The following KCNJ3 variants were observed in gnomAD, a reference collection of about 807,000 sequenced individuals.
KCNJ3 encodes potassium inwardly rectifying channel subfamily J member 3.
KCNJ3 carries 4 observed loss-of-function variants against 39.2 expected under a neutral mutation model. The ratio of observed to expected loss-of-function variants is 0.10; its 90% CI spans 0.05 to 0.23. The LOEUF (loss-of-function observed/expected upper bound fraction) is 0.23, where lower values mean the gene tolerates loss of function less well. Among genes scored for constraint, KCNJ3 ranks in the 10% least tolerant of loss-of-function variants. The pLI is 1.00. For synonymous variants in KCNJ3, 230 were observed against 237.4 expected (o/e 0.97, Z 0.29); for missense variants, 276 against 634.9 (o/e 0.43, Z 6.08).
intron 2 of KCNJ3, among the ~76,000 whole-genome samples, chr2:154,728,890 CAATATT>C (rs1453892335): frequency 6.6e-6 from 1 of 151,864 alleles, no homozygotes; most frequent in African/African-American, 2.4e-5. Context: ...ATTAAATTAA[CAATATT>C]AAGATATTAA....
At chr2:154,779,375 C>T (rs897410244) in intron 2 of KCNJ3, among the ~76,000 whole-genome samples, 2 of 149,978 alleles carry the variant, frequency 1.3e-5, no homozygotes, top group African/African-American at 4.9e-5. Context: ...CTCCTAGCAT[C>T]CTAAAGGACT....
intron 2 of KCNJ3, among the ~76,000 whole-genome samples, chr2:154,755,218 A>G (rs1239907302): frequency 6.6e-6 from 1 of 152,042 alleles, no homozygotes. Flanking sequence ...TATGTCTGGC[A>G]TATTTGCCAT....
intron 2 of KCNJ3, among the ~76,000 whole-genome samples, chr2:154,821,635 A>ATGTTTTT (rs1687181858): frequency 1.1e-5 from 1 of 88,072 alleles, no homozygotes; most frequent in Admixed American, 1.7e-4. Context: ...AGAATATGTG[A>ATGTTTTT]TTTTTTTTTT....
At chr2:154,739,111 G>C (rs1189068344) in intron 2 of KCNJ3, among the ~76,000 whole-genome samples, 2 of 152,026 alleles carry the variant, frequency 1.3e-5, no homozygotes, top group African/African-American at 2.4e-5. Context: ...TGTGGGGGTG[G>C]GTAGATCCTC....
At chr2:154,739,958 A>G (rs1336607396) in intron 2 of KCNJ3, among the ~76,000 whole-genome samples, 1 of 152,096 alleles carries the variant, frequency 6.6e-6, no homozygotes, top group African/African-American at 2.4e-5. Flanking sequence ...CTCTGTAAAT[A>G]GAAACGAGAA....
intron 2 of KCNJ3, among the ~76,000 whole-genome samples, chr2:154,715,609 A>G (rs1452112905): frequency 6.6e-6 from 1 of 152,256 alleles, no homozygotes; most frequent in African/African-American, 2.4e-5. Context: ...TATGCAAAAT[A>G]TAAAACTTTA....
intron 2 of KCNJ3, among the ~76,000 whole-genome samples, chr2:154,712,731 C>T (rs973915616): frequency 3.9e-5 from 6 of 151,958 alleles, no homozygotes; most frequent in African/African-American, 1.2e-4. Flanking sequence ...CTCAGGAGGC[C>T]GAAGTGGAAG....
chr2:154,772,766 T>C lies in KCNJ3; in HGVS notation c.919+62947T>C, dbSNP rs189324869. On this transcript the variant is annotated intron_variant, in intron 2 of 2. Coordinates refer to ENST00000295101, the MANE Select transcript of KCNJ3 (RefSeq NM_002239.4). ...CTTAGACTTCTGTTTTCAGAGACCA[T>C]TTCTTGTAAACCTAATTAGAGATGG... is the stretch of plus-strand genomic sequence containing the variant. 8.5e-5 allele frequency among the ~76,000 whole-genome samples: 13 copies of C among 152,126 alleles called. No individual in the cohort carries two copies. In the South Asian group the frequency reaches 2.7e-3, roughly 31 times the overall value.
At chr2:154,836,299 A>T (rs2105124940) in intron 2 of KCNJ3, among the ~76,000 whole-genome samples, 1 of 152,040 alleles carries the variant, frequency 6.6e-6, no homozygotes, top group Admixed American at 6.6e-5. Context: ...ACATTTTAGC[A>T]TTAAACTTAC....
At chr2:154,841,985 T>C (rs1018676150) in intron 2 of KCNJ3, among the ~76,000 whole-genome samples, 9 of 152,198 alleles carry the variant, frequency 5.9e-5, no homozygotes, top group African/African-American at 2.2e-4. Context: ...TCTGCTAGCT[T>C]TTGAATGTGT....
At chr2:154,838,892 T>A (rs552025783) in intron 2 of KCNJ3, among the ~76,000 whole-genome samples, 1 of 151,136 alleles carries the variant, frequency 6.6e-6, no homozygotes, top group African/African-American at 2.4e-5. Context: ...CCAAAATAAT[T>A]AAATTCCAGC....
intron 2 of KCNJ3, among the ~76,000 whole-genome samples, chr2:154,778,785 T>G (rs1686382558): frequency 1.3e-5 from 2 of 152,162 alleles, no homozygotes; most frequent in South Asian, 4.1e-4. Context: ...TTCTATTCCT[T>G]TCCTGTGGTT....
In KCNJ3 at chr2:154,855,051, A is replaced by C. The variant is rs1687814064; in HGVS notation, c.1244A>C (p.Lys415Thr). ...KITGREDFPK[K>T]LLRMSSTTSE... ...ACTGGAAGAGAAGACTTTCCCAAAA[A>C]ACTCTTGAGGATGAGTTCTACAACT... Residue 415 changes from lysine to threonine, a missense_variant, in exon 3 of 3, where the codon AAA (lysine) becomes ACA (threonine). Around this residue, in one of 4 missense-constraint regions of KCNJ3, gnomAD observed 126 missense variants for 179.8 expected, o/e 0.70. Coordinates refer to ENST00000295101, the MANE Select transcript of KCNJ3 (RefSeq NM_002239.4). The C allele has an allele frequency of 1.2e-6, 2 of 1,614,144 alleles. No individual in the cohort carries two copies. Among genetic ancestry groups the C allele is most frequent in the Non-Finnish European group, 8.5e-7 (1 of 1,179,978 alleles).
intron 2 of KCNJ3, among the ~76,000 whole-genome samples, chr2:154,732,101 C>T (rs890371217): frequency 2.0e-5 from 3 of 151,918 alleles, no homozygotes; most frequent in Non-Finnish European, 2.9e-5. Context: ...CTTTGACCTG[C>T]GTGATATAAG....
Position 154,761,814 on chromosome 2 carries a change from A to C in KCNJ3, c.919+51995A>C, listed in dbSNP as rs2961957. Among the ~76,000 whole-genome samples the C allele has an allele frequency of 3.9e-5, 6 of 152,064 alleles. No homozygotes were observed. The East Asian group carries it at 1.2e-3, about 29-fold the overall frequency. On this transcript the variant is annotated intron_variant, in intron 2 of 2. Coordinates refer to ENST00000295101, the MANE Select transcript of KCNJ3 (RefSeq NM_002239.4). ...TGCTTTTTAAAATTTACCTTTTGTA[A>C]TAAGCAGAAAAATGACTCCTTAAAG...
chr2:154,776,843 G>A (rs1350948339), intron 2 of KCNJ3, among the ~76,000 whole-genome samples: 4 of 151,366 alleles, frequency 2.6e-5, no homozygotes, highest in African/African-American at 7.3e-5. Context: ...ACATTTCTTC[G>A]CAATCCATTG....
intron 2 of KCNJ3, among the ~76,000 whole-genome samples, chr2:154,740,537 C>T (rs1685635257): frequency 1.3e-5 from 2 of 151,936 alleles, no homozygotes; most frequent in African/African-American, 4.8e-5. Context: ...CTAGATGAGA[C>T]TTTCCAGTTT....
chr2:154,704,274 G>A (rs181974772), intron 1 of KCNJ3, among the ~76,000 whole-genome samples: 71 of 152,172 alleles, frequency 4.7e-4, no homozygotes, highest in Middle Eastern at 6.8e-3. Flanking sequence ...CAGTAGGTAA[G>A]AACAAATGAT....
At chr2:154,794,968 A>G (rs980236507) in intron 2 of KCNJ3, among the ~76,000 whole-genome samples, 3 of 152,036 alleles carry the variant, frequency 2.0e-5, no homozygotes, top group African/African-American at 7.2e-5. Flanking sequence ...TTAATTAGAC[A>G]TAAAAATGAG....
Sources: allele counts gnomAD v4.1 joint callset (sites outside exome capture counted in the v4.1 genomes callset), GRCh38; gene constraint gnomAD v4.1.1; regional missense constraint gnomAD v4.1.1; transcripts MANE v1.5; gene names NCBI Gene and HGNC (gene_info 2026-07-23, HGNC 2026-07-21).